Variants in POU2F1 observed in about 807,000 individuals in gnomAD.
The protein encoded by POU2F1 is POU class 2 homeobox 1, also known as POU domain, class 2, transcription factor 1.
A neutral mutation model predicts 84.9 loss-of-function variants in POU2F1; 16 were observed. The ratio of observed to expected loss-of-function variants is 0.19; its 90% CI spans 0.13 to 0.29. The LOEUF (loss-of-function observed/expected upper bound fraction) is 0.29, where lower values mean the gene tolerates loss of function less well. Among genes scored for constraint, POU2F1 ranks in the 10% least tolerant of loss-of-function variants. POU2F1 has a pLI of 1.00. For synonymous variants in POU2F1, 368 were observed against 368.3 expected, an observed-to-expected ratio of 1.00 and a Z score of 0.01; for missense variants, 738 against 942.6, an observed-to-expected ratio of 0.78 and a Z score of 2.84.
At chr1:167,252,775 A>C (rs1343318352) in intron 1 of POU2F1, among the ~76,000 whole-genome samples, 1 of 152,236 alleles carries the variant, frequency 6.6e-6, no homozygotes, top group East Asian at 1.9e-4. Context: ...AAGAATACGT[A>C]ACTGACTGTG....
At chr1:167,222,394 T>C (rs1648297186) in intron 1 of POU2F1, among the ~76,000 whole-genome samples, 1 of 152,220 alleles carries the variant, frequency 6.6e-6, no homozygotes, top group Non-Finnish European at 1.5e-5. Flanking sequence ...TCATGTTTAG[T>C]AATTCAGACC....
intron 1 of POU2F1, among the ~76,000 whole-genome samples, chr1:167,243,741 G>T (rs1650091180): frequency 6.6e-6 from 1 of 152,212 alleles, no homozygotes; most frequent in African/African-American, 2.4e-5. Flanking sequence ...CTCCCAAAGT[G>T]CTGGGATTAC....
chr1:167,342,617 AT>A (rs1413283295), intron 2 of POU2F1, among the ~76,000 whole-genome samples: 1 of 152,184 alleles, frequency 6.6e-6, no homozygotes, highest in Non-Finnish European at 1.5e-5. Flanking sequence ...TTTGGAAATA[AT>A]TTCCAGATAA....
rs1269487243 is a variant in POU2F1 at position 167,375,969 on chromosome 1, A to G, written c.592-60A>G. On this transcript the variant is annotated intron_variant, in intron 6 of 15. Transcript: ENST00000367866. ...ACAGAAGTCATCAGCTGGAAGCCTT[A>G]TAATTAAGCGAACTTTTATTTCAGA... is the stretch of plus-strand genomic sequence containing the variant. 3 of 1,593,414 alleles carry G rather than the reference A, an allele frequency of 1.9e-6. No individual in the cohort carries two copies. The Admixed American group carries it at 5.0e-5, about 27-fold the overall frequency.
Position 167,415,711 on chromosome 1 carries a change from C to G in POU2F1, c.2202C>G (p.Ala734=). ...CTGCACCTGTAGCCAGCCTTCACGC[C>G]ACCTCCACCTCTGCTGAGTCCATCC... ...GNSAPVASLH[A]TSTSAESIQN... The change falls in exon 16 of 16, where the codon GCC becomes GCG. Residue 734 remains alanine, a synonymous_variant. Transcript: ENST00000367866. The G allele has an allele frequency of 6.2e-7, 1 of 1,614,132 alleles. No individual in the cohort carries two copies. The highest frequency in any genetic ancestry group is 8.5e-7 in the Non-Finnish European group (1 of 1,180,012).
chr1:167,258,078 G>A (rs1337908929), intron 1 of POU2F1, among the ~76,000 whole-genome samples: 1 of 152,126 alleles, frequency 6.6e-6, no homozygotes. Context: ...AGGTTCCAAA[G>A]CTAAGCTGTG....
chr1:167,277,020 A>G (rs1652775851), intron 1 of POU2F1, among the ~76,000 whole-genome samples: 1 of 152,202 alleles, frequency 6.6e-6, no homozygotes, highest in Non-Finnish European at 1.5e-5. Context: ...TCTGGGAAGT[A>G]TTCTTAAGAT....
intron 1 of POU2F1, chr1:167,329,026 A>G: frequency 8.9e-7 from 1 of 1,128,240 alleles, no homozygotes; most frequent in Non-Finnish European, 1.1e-6. Context: ...TGTCAGTCCT[A>G]GCTGGTAGGA....
chr1:167,360,217 T>G lies in POU2F1; in HGVS notation c.128-5250T>G, dbSNP rs572495963. Among the ~76,000 whole-genome samples, 924 of 152,280 alleles carry G rather than the reference T, an allele frequency of 6.1e-3. 8 individuals are homozygous for G. The highest frequency in any genetic ancestry group is 0.048 in the Middle Eastern group (14 of 294). ...CTTTAGTTTAATTAAATCCAAGTTGTCTGTTTTTATTTTTGTTGCGTTTGC... is the reference window on the plus strand; with the variant it reads ...CTTTAGTTTAATTAAATCCAAGTTGGCTGTTTTTATTTTTGTTGCGTTTGC... On this transcript the variant is annotated intron_variant, in intron 2 of 15. Coordinates refer to ENST00000367866, the MANE Select transcript of POU2F1 (RefSeq NM_002697.4).
chr1:167,399,244 AAG>A lies in POU2F1; in HGVS notation c.1331_1332del (p.Glu444GlyfsTer8). 1 of 1,614,004 alleles carries A rather than the reference AAG, an allele frequency of 6.2e-7. No homozygotes were observed. Among genetic ancestry groups the A allele is most frequent in the Non-Finnish European group, 8.5e-7 (1 of 1,179,960 alleles). Reference sequence around the variant, plus strand: ...ATTGCTGATCAGCTCAATATGGAAAAAGAGGTGATTCGTGTTTGGTTCTGTAA... The same window carrying A: ...ATTGCTGATCAGCTCAATATGGAAAAAGGTGATTCGTGTTTGGTTCTGTAA... On this transcript the variant is annotated frameshift_variant, in exon 12 of 16. Coordinates refer to ENST00000367866, the MANE Select transcript of POU2F1 (RefSeq NM_002697.4). LOFTEE classifies it high-confidence loss of function.
At chr1:167,324,921 T>G (rs1408224075) in intron 1 of POU2F1, among the ~76,000 whole-genome samples, 1 of 152,128 alleles carries the variant, frequency 6.6e-6, no homozygotes, top group Non-Finnish European at 1.5e-5. Context: ...AATGCAACCT[T>G]AGAGGGTATC....
At chr1:167,317,716 T>C (rs925835684) in intron 1 of POU2F1, among the ~76,000 whole-genome samples, 1 of 152,218 alleles carries the variant, frequency 6.6e-6, no homozygotes, top group African/African-American at 2.4e-5. Context: ...CTTGCCCTCC[T>C]TCCGGTAAAC....
intron 2 of POU2F1, among the ~76,000 whole-genome samples, chr1:167,337,159 A>C (rs779705057): frequency 7.4e-5 from 11 of 148,140 alleles, no homozygotes; most frequent in Non-Finnish European, 1.5e-4. Flanking sequence ...GCGAAACTCC[A>C]TCTCAAAAGA....
intron 1 of POU2F1, among the ~76,000 whole-genome samples, chr1:167,269,935 A>G (rs1055908669): frequency 6.6e-6 from 1 of 151,228 alleles, no homozygotes; most frequent in Non-Finnish European, 1.5e-5. Flanking sequence ...AAAAAGAGTA[A>G]GAGTCGAACT....
At chr1:167,375,029 T>TA (rs879295202) in intron 6 of POU2F1, among the ~76,000 whole-genome samples, 150 of 133,846 alleles carry the variant, frequency 1.1e-3, no homozygotes, top group Admixed American at 1.8e-3. Flanking sequence ...ATCGCGCCAC[T>TA]AAAAAAAAAA....
At chr1:167,242,115 AGAT>A (rs955124707) in intron 1 of POU2F1, among the ~76,000 whole-genome samples, 7 of 152,250 alleles carry the variant, frequency 4.6e-5, no homozygotes, top group African/African-American at 1.7e-4. Flanking sequence ...ATATTTTTAA[AGAT>A]GATGAAGCAT....
chr1:167,412,378 C>A, intron 14 of POU2F1, 74 bp downstream of exon 14: 1 of 1,301,372 alleles, frequency 7.7e-7, no homozygotes, highest in Non-Finnish European at 1.0e-6. Context: ...GGAGACTTTA[C>A]ATCACTGACT....
At chr1:167,407,859 A>G (rs1288110024) in intron 13 of POU2F1, among the ~76,000 whole-genome samples, 1 of 152,232 alleles carries the variant, frequency 6.6e-6, no homozygotes, top group Non-Finnish European at 1.5e-5. Flanking sequence ...GAGTTCATAT[A>G]CACAGCACCA....
intron 2 of POU2F1, among the ~76,000 whole-genome samples, chr1:167,348,798 A>G (rs1161856596): frequency 1.3e-5 from 2 of 152,108 alleles, no homozygotes; most frequent in Admixed American, 6.5e-5. Flanking sequence ...CATCTCTCCT[A>G]CATCTTAGCC....
Sources: allele counts gnomAD v4.1 joint callset (sites outside exome capture counted in the v4.1 genomes callset), GRCh38; gene constraint gnomAD v4.1.1; transcripts MANE v1.5; gene names NCBI Gene and HGNC (gene_info 2026-07-23, HGNC 2026-07-21).